NELL1: variants seen among roughly 807,000 people sequenced by gnomAD.
NELL1 encodes the protein protein kinase C-binding protein NELL1.
NELL1 carries 76 observed loss-of-function variants against 107.4 expected under a neutral mutation model. The observed-to-expected ratio is 0.71, with a 90% confidence interval of 0.59 to 0.86. NELL1 has a LOEUF of 0.86. NELL1 is among the 40% of genes least tolerant of loss of function. The pLI, the probability that NELL1 is intolerant of heterozygous loss-of-function variation, is 0.00. For missense variants in NELL1, 1,024 were observed against 1,005.5 expected, an observed-to-expected ratio of 1.02 and a Z score of -0.25; for synonymous variants, 353 against 341.2, an observed-to-expected ratio of 1.03 and a Z score of -0.38.
At chr11:21,533,423 A>G (rs1564945462) in intron 15 of NELL1, among the ~76,000 whole-genome samples, 2 of 152,344 alleles carry the variant, frequency 1.3e-5, no homozygotes, top group East Asian at 3.9e-4. Flanking sequence ...AGATATTTCC[A>G]AGACAAGTCA....
intron 15 of NELL1, among the ~76,000 whole-genome samples, chr11:21,521,843 T>A (rs1325675507): frequency 6.6e-6 from 1 of 152,220 alleles, no homozygotes; most frequent in East Asian, 1.9e-4. Flanking sequence ...TTTGAATTTC[T>A]CTGATGATTA....
At chr11:20,953,144 A>G (rs1851101608) in intron 11 of NELL1, among the ~76,000 whole-genome samples, 1 of 152,210 alleles carries the variant, frequency 6.6e-6, no homozygotes, top group Admixed American at 6.5e-5. Flanking sequence ...CCCTCACTAT[A>G]CCATTGCTCC....
chr11:21,336,762 A>G (rs1850411887), intron 14 of NELL1, among the ~76,000 whole-genome samples: 1 of 150,468 alleles, frequency 6.6e-6, no homozygotes, highest in Admixed American at 6.7e-5. Flanking sequence ...TCTGTTTTTC[A>G]CTGCTGTACT....
chr11:21,170,724 T>A (rs1856589390), intron 13 of NELL1, among the ~76,000 whole-genome samples: 1 of 146,120 alleles, frequency 6.8e-6, no homozygotes, highest in African/African-American at 2.5e-5. Flanking sequence ...TATATATCTG[T>A]CACTCTATAT....
chr11:21,371,319 G>A (rs1212712418), intron 15 of NELL1, among the ~76,000 whole-genome samples: 1 of 152,076 alleles, frequency 6.6e-6, no homozygotes, highest in Non-Finnish European at 1.5e-5. Flanking sequence ...TGTGTCAACG[G>A]AATCTAAATT....
Position 21,188,861 on chromosome 11 carries a change from A to G in NELL1, c.1427-40471A>G, listed in dbSNP as rs16907649. On this transcript the variant is annotated intron_variant, in intron 13 of 19. Transcript: ENST00000357134. ...AATATTCACAAACTTACAAACATATAGGAAAATTTAAAGTATAATGTGACC... is the reference window on the plus strand; with the variant it reads ...AATATTCACAAACTTACAAACATATGGGAAAATTTAAAGTATAATGTGACC... Among the ~76,000 whole-genome samples, 706 of 152,006 alleles carry G rather than the reference A, an allele frequency of 4.6e-3. 26 individuals are homozygous for G. Among genetic ancestry groups the G allele is most frequent in the Admixed American group, 0.04 (605 of 15,272 alleles).
intron 4 of NELL1, among the ~76,000 whole-genome samples, chr11:20,868,558 T>A (rs927755098): frequency 6.6e-6 from 1 of 152,118 alleles, no homozygotes; most frequent in Non-Finnish European, 1.5e-5. Context: ...AACATCACAA[T>A]TTAAAAAATT....
At chr11:21,291,875 AC>A (rs1167297793) in intron 14 of NELL1, among the ~76,000 whole-genome samples, 1 of 152,038 alleles carries the variant, frequency 6.6e-6, no homozygotes, top group Non-Finnish European at 1.5e-5. Flanking sequence ...AAAACTCAAC[AC>A]CCCTTCATGC....
rs546480433 is a variant in NELL1, at chr11:20,731,747, T to C, written c.185-51933T>C. ...AATAATAACCACCTCACAGGGTTAC[T>C]ATAAGGATGAAAATAAAAACCATGT... On this transcript the variant is annotated intron_variant, in intron 2 of 19. Transcript: ENST00000357134. 2.0e-5 allele frequency among the ~76,000 whole-genome samples: 3 copies of C among 152,318 alleles called. No homozygotes were observed. In the South Asian group the frequency reaches 6.2e-4, roughly 32 times the overall value.
At chr11:21,136,153 A>G (rs950788045) in intron 13 of NELL1, among the ~76,000 whole-genome samples, 1 of 152,180 alleles carries the variant, frequency 6.6e-6, no homozygotes, top group Non-Finnish European at 1.5e-5. Flanking sequence ...GAAAATCTGA[A>G]TAAGGGGATA....
At chr11:21,409,516 G>A (rs891890959) in intron 15 of NELL1, among the ~76,000 whole-genome samples, 3 of 151,634 alleles carry the variant, frequency 2.0e-5, no homozygotes, top group African/African-American at 7.3e-5. Context: ...CACCAGTATG[G>A]CACATGTATA....
At chr11:21,106,282 T>C (rs1167521373) in intron 12 of NELL1, among the ~76,000 whole-genome samples, 2 of 152,022 alleles carry the variant, frequency 1.3e-5, no homozygotes, top group African/African-American at 4.8e-5. Context: ...CTTAGACAAT[T>C]TACTGCATGT....
intron 15 of NELL1, among the ~76,000 whole-genome samples, chr11:21,428,942 G>A: frequency 6.6e-6 from 1 of 152,152 alleles, no homozygotes; most frequent in Non-Finnish European, 1.5e-5. Flanking sequence ...ATTTAGCATT[G>A]CTAATGGCAT....
In NELL1 at chr11:20,761,151, C is replaced by T. The variant is rs540607565; in HGVS notation, c.185-22529C>T. ...GGAAGAATTTTATTTTGCATCTGCA[C>T]ATAACCACTGTTGGGTTGCCTGTTG... On this transcript the variant is annotated intron_variant, in intron 2 of 19. Coordinates refer to ENST00000357134, the MANE Select transcript of NELL1 (RefSeq NM_006157.5). Among the ~76,000 whole-genome samples, 14 of 152,334 alleles carry T rather than the reference C, an allele frequency of 9.2e-5. No homozygotes were observed. In the South Asian group the frequency reaches 2.9e-3, roughly 32 times the overall value.
chr11:21,410,108 T>C (rs144794896), intron 15 of NELL1, among the ~76,000 whole-genome samples: 448 of 152,214 alleles, frequency 2.9e-3, no homozygotes, highest in South Asian at 6.0e-3. Flanking sequence ...ATTGCAGTGT[T>C]TTCCCCCTTC....
At chr11:21,472,266 T>C (rs942729481) in intron 15 of NELL1, among the ~76,000 whole-genome samples, 25 of 152,100 alleles carry the variant, frequency 1.6e-4, no homozygotes, top group Non-Finnish European at 3.5e-4. Flanking sequence ...TCTTTTCTAA[T>C]GAGCAAACCC....
chr11:21,336,591 C>T (rs1431412348), intron 14 of NELL1, among the ~76,000 whole-genome samples: 1 of 151,058 alleles, frequency 6.6e-6, no homozygotes, highest in African/African-American at 2.4e-5. Context: ...CACTAGAATT[C>T]AGGTCTTTTT....
intron 15 of NELL1, among the ~76,000 whole-genome samples, chr11:21,467,720 G>A (rs1489698045): frequency 2.2e-4 from 34 of 151,952 alleles, no homozygotes; most frequent in Admixed American, 2.2e-3. Flanking sequence ...TTAAAATGTT[G>A]TTTCAGGGTG....
chr11:21,264,312 T>G (rs769909716), intron 14 of NELL1, among the ~76,000 whole-genome samples: 1 of 151,828 alleles, frequency 6.6e-6, no homozygotes, highest in Admixed American at 6.6e-5. Flanking sequence ...TATGAAGTGA[T>G]TAGAATAACA....
Sources: gnomAD v4.1 joint callset for allele counts (sites outside exome capture counted in the v4.1 genomes callset) on GRCh38, gnomAD v4.1.1 for gene constraint, MANE v1.5 for transcripts, NCBI Gene and HGNC (gene_info 2026-07-23, HGNC 2026-07-21) for gene names.